Variants in NDEL1 observed in about 807,000 individuals in gnomAD.
NDEL1 encodes the protein nudE neurodevelopment protein 1 like 1.
In NDEL1, 9 loss-of-function variants were observed where a neutral mutation model predicts 45.7. That is an observed-to-expected ratio of 0.20 (90% CI 0.12 to 0.34). The LOEUF is 0.34. Among genes scored for constraint, NDEL1 ranks in the 10% least tolerant of loss-of-function variants. The pLI, the probability that NDEL1 is intolerant of heterozygous loss-of-function variation, is 1.00. For missense variants in NDEL1, 306 were observed against 406.2 expected (o/e 0.75, Z 2.12); for synonymous variants, 133 against 158.6 (o/e 0.84, Z 1.21).
chr17:8,418,235 C>A (rs139095228), intron 1 of NDEL1, among the ~76,000 whole-genome samples: 2 of 152,108 alleles, frequency 1.3e-5, no homozygotes, highest in East Asian at 3.9e-4. Context: ...AATTTTTGTT[C>A]GATCTTTCTT....
chr17:8,460,235 C>T, intron 8 of NDEL1, 75 bp downstream of exon 8: 1 of 1,481,400 alleles, frequency 6.8e-7, no homozygotes, highest in Admixed American at 2.2e-5. Flanking sequence ...ATAATGAAGC[C>T]TTGAAAAGGT....
At chr17:8,445,405 T>C (rs1297386153) in intron 2 of NDEL1, among the ~76,000 whole-genome samples, 1 of 152,238 alleles carries the variant, frequency 6.6e-6, no homozygotes, top group Non-Finnish European at 1.5e-5. Flanking sequence ...TTTGTTACTT[T>C]AATGAAAGTA....
At chr17:8,469,141 C>A (rs573331798), downstream of NDEL1, among the ~76,000 whole-genome samples, 13 of 152,290 alleles carry the variant, frequency 8.5e-5, no homozygotes, top group Admixed American at 3.9e-4. Flanking sequence ...TCTCCAGGGA[C>A]ACTCGCGGTG....
chr17:8,455,216 T>C (rs1910752759), intron 7 of NDEL1, among the ~76,000 whole-genome samples: 1 of 152,212 alleles, frequency 6.6e-6, no homozygotes, highest in Non-Finnish European at 1.5e-5. Flanking sequence ...TCCTGGTCTT[T>C]GCTGCTGTCT....
At chr17:8,419,098 C>A (rs1049279004) in intron 1 of NDEL1, among the ~76,000 whole-genome samples, 2 of 152,108 alleles carry the variant, frequency 1.3e-5, no homozygotes, top group Admixed American at 6.6e-5. Context: ...AATCCTCCTG[C>A]CTGGGGCTCT....
At chr17:8,469,861 ATTTTT>A (rs762773754), downstream of NDEL1, among the ~76,000 whole-genome samples, 21 of 128,620 alleles carry the variant, frequency 1.6e-4, no homozygotes, top group East Asian at 2.3e-4. Context: ...TGCCTGGCTA[ATTTTT>A]TTTTTTTTTT....
At position 8,440,731 on chromosome 17, in the gene NDEL1, A is replaced by G. The variant is rs183927438; in HGVS notation, c.-12-3529A>G. Among the ~76,000 whole-genome samples the G allele has an allele frequency of 3.2e-4, 49 of 152,366 alleles. No individual in the cohort carries two copies. The East Asian group carries it at 4.4e-3, about 14-fold the overall frequency. On this transcript the variant is annotated intron_variant, in intron 1 of 8. Coordinates refer to ENST00000334527, the MANE Select transcript of NDEL1 (RefSeq NM_030808.5). ...AATATGTCCCTGTACAAGAACCAGA[A>G]GTCAGAGACAAATGGATACTCGCAA...
At chr17:8,452,391 C>G (rs1451105362) in intron 6 of NDEL1, among the ~76,000 whole-genome samples, 1 of 151,992 alleles carries the variant, frequency 6.6e-6, no homozygotes, top group African/African-American at 2.4e-5. Flanking sequence ...CTTGGGGAGT[C>G]AAAAGGACAT....
intron 1 of NDEL1, among the ~76,000 whole-genome samples, chr17:8,438,249 G>A (rs1049155861): frequency 6.6e-6 from 1 of 152,190 alleles, no homozygotes; most frequent in Non-Finnish European, 1.5e-5. Context: ...GAGCCACCGT[G>A]CCCTGCCAAT....
Position 8,435,960 on chromosome 17 carries a change from C to T in NDEL1, c.-98C>T, listed in dbSNP as rs1380266652. On this transcript the variant is annotated 5_prime_UTR_variant, in exon 1 of 9. Coordinates refer to ENST00000334527, the MANE Select transcript of NDEL1 (RefSeq NM_030808.5). ...CTCGGGGCTGCGTAGGGGAGCTGAG[C>T]CGAGCGGCTGGGCGGGCCTGGCCGG... The T allele has an allele frequency of 4.5e-6, 2 of 448,144 alleles. 1 individual carries two copies. The allele number at this position is 448,144 out of a possible 1,614,324, so 27.8% of individuals were successfully genotyped here. A position where few individuals can be genotyped will look rare whatever the true frequency, so the allele number is the denominator to read the frequency against.
chr17:8,424,397 G>A (rs1300891755), intron 1 of NDEL1, among the ~76,000 whole-genome samples: 1 of 152,148 alleles, frequency 6.6e-6, no homozygotes, highest in Non-Finnish European at 1.5e-5. Flanking sequence ...ACATCCTGTT[G>A]GACAATTTGC....
In NDEL1 at chr17:8,455,799, GTGTT is replaced by G. The variant is rs555360051; in HGVS notation, c.792+918_792+921del. 1.2e-3 allele frequency among the ~76,000 whole-genome samples: 188 copies of G among 151,480 alleles called. 2 individuals are homozygous for G. Among genetic ancestry groups the G allele is most frequent in the African/African-American group, 4.1e-3 (170 of 41,284 alleles). The stretch of plus-strand genomic sequence containing the variant: ...CAAGAGTATTACCCCATTTTTTAGT[GTGTT>G]TGTTTTTATCAGCCATCTCTTGCTT... On this transcript the variant is annotated intron_variant, in intron 7 of 8. Transcript: ENST00000334527.
At chr17:8,448,951 C>T (rs1910276299) in intron 5 of NDEL1, among the ~76,000 whole-genome samples, 1 of 152,188 alleles carries the variant, frequency 6.6e-6, no homozygotes, top group Admixed American at 6.5e-5. Flanking sequence ...TTTATCCTCC[C>T]TTACCTTACT....
chr17:8,448,642 A>C lies in NDEL1; in HGVS notation c.482A>C (p.Glu161Ala), dbSNP rs748749141. 2 of 1,614,204 alleles carry C rather than the reference A, an allele frequency of 1.2e-6. No homozygotes were observed. Among genetic ancestry groups the C allele is most frequent in the South Asian group, 1.1e-5 (1 of 91,088 alleles). ...AFLESELDEK[E>A]SLLVSVQRLK... ...TTAGAAAGTGAACTTGATGAAAAGG[A>C]ATCTTTGTTGGTCTCTGTACAGAGG... Residue 161 changes from glutamate (E) to alanine (A), a missense_variant, in exon 5 of 9, where the codon GAA (glutamate) becomes GCA (alanine). Around this residue, in one of 3 missense-constraint regions of NDEL1, gnomAD observed 19 missense variants for 52.7 expected, o/e 0.36. Transcript: ENST00000334527.
upstream of NDEL1, among the ~76,000 whole-genome samples, chr17:8,432,368 ATAT>A (rs1909036868): frequency 1.3e-5 from 1 of 77,232 alleles, no homozygotes; most frequent in South Asian, 4.0e-4. Flanking sequence ...AAATATATAT[ATAT>A]TTAATGGCAG....
intron 8 of NDEL1, among the ~76,000 whole-genome samples, chr17:8,460,806 A>T (rs1040629216): frequency 1.3e-5 from 2 of 152,198 alleles, no homozygotes; most frequent in Non-Finnish European, 2.9e-5. Flanking sequence ...ATTTTTATGC[A>T]TCTGCTCTAA....
intron 1 of NDEL1, among the ~76,000 whole-genome samples, chr17:8,422,131 C>T (rs1908720634): frequency 6.6e-6 from 1 of 152,154 alleles, no homozygotes; most frequent in Non-Finnish European, 1.5e-5. Context: ...GGAGGGTAGA[C>T]CTTGCTGTCC....
At chr17:8,464,680 A>G (rs1279092882) in intron 8 of NDEL1, 1 of 152,260 alleles carries the variant, frequency 6.6e-6, no homozygotes, top group East Asian at 1.9e-4. Context: ...GCCGGCCTGC[A>G]TTGGAGTGCC....
intron 4 of NDEL1, among the ~76,000 whole-genome samples, chr17:8,448,249 T>C (rs1011415013): frequency 1.4e-4 from 21 of 152,244 alleles, no homozygotes; most frequent in African/African-American, 4.6e-4. Context: ...TCTGAAAATG[T>C]GTAAACTTGA....
Sources: allele counts gnomAD v4.1 joint callset (sites outside exome capture counted in the v4.1 genomes callset), GRCh38; gene constraint gnomAD v4.1.1; regional missense constraint gnomAD v4.1.1; transcripts MANE v1.5; gene names NCBI Gene and HGNC (gene_info 2026-07-23, HGNC 2026-07-21).